VAV2: variants seen among roughly 807,000 people sequenced by gnomAD.
VAV2 encodes the protein guanine nucleotide exchange factor VAV2.
A neutral mutation model predicts 132.5 loss-of-function variants in VAV2; 67 were observed. That is an observed-to-expected ratio of 0.51 (90% CI 0.42 to 0.62). The LOEUF is 0.62. VAV2 is among the 20% of genes least tolerant of loss of function. The probability of loss-of-function intolerance (pLI) is 0.00; values close to 1 mark genes in which losing one functional copy is unlikely to be tolerated. For synonymous variants in VAV2, 492 were observed against 443.5 expected (o/e 1.11, Z -1.37); for missense variants, 938 against 1,153.6 (o/e 0.81, Z 2.71).
At chr9:133,908,067 T>C (rs369573810) in intron 2 of VAV2, among the ~76,000 whole-genome samples, 125 of 114,536 alleles carry the variant, frequency 1.1e-3, no homozygotes, top group Middle Eastern at 6.0e-3. Flanking sequence ...CCCCCTACCT[T>C]CTCTGCCTTC....
chr9:133,832,971 C>A (rs906641079), intron 4 of VAV2, among the ~76,000 whole-genome samples: 6 of 152,108 alleles, frequency 3.9e-5, no homozygotes, highest in African/African-American at 4.8e-5. Flanking sequence ...CCATCTCTCC[C>A]CTTTAAGATG....
At chr9:133,806,252 G>C in intron 8 of VAV2, 71 bp from the exon 9 acceptor site, 1 of 1,466,378 alleles carries the variant, frequency 6.8e-7, no homozygotes, top group Non-Finnish European at 9.3e-7. Flanking sequence ...CGCCCTTAAA[G>C]TGCCCTTGTT....
In VAV2 at chr9:133,991,210, T is replaced by C. The variant is rs373566187; in HGVS notation, c.204+865A>G. ...CTGCCTCCCCCGACCTCTTCTAAGC[T>C]GCTCCCGGTAAGGATTCCGCGACCC... On this transcript the variant is annotated intron_variant, in intron 1 of 29. Transcript: ENST00000371850. This position sits in a 1 kb window ranked among gnomAD's most constrained non-coding sequence, Gnocchi z 4.8. Among the ~76,000 whole-genome samples the C allele has an allele frequency of 2.6e-4, 39 of 152,198 alleles. No individual in the cohort carries two copies. In the South Asian group the frequency reaches 6.2e-3, roughly 24 times the overall value.
chr9:133,982,082 G>A (rs1842711961), intron 1 of VAV2, among the ~76,000 whole-genome samples: 1 of 152,222 alleles, frequency 6.6e-6, no homozygotes, highest in African/African-American at 2.4e-5. Context: ...GGGGACTCGA[G>A]CAGGCCTGGG....
chr9:133,796,589 C>G, intron 10 of VAV2, 65 bp from the exon 11 acceptor site: 3 of 1,441,588 alleles, frequency 2.1e-6, no homozygotes, highest in Non-Finnish European at 2.8e-6. Context: ...CCCACCTGTA[C>G]CCCCGCCCAC....
intron 2 of VAV2, among the ~76,000 whole-genome samples, chr9:133,904,300 C>CT (rs1222390609): frequency 6.6e-6 from 1 of 152,156 alleles, no homozygotes; most frequent in East Asian, 1.9e-4. Flanking sequence ...TCTAGACGCT[C>CT]TAAGACATTA....
chr9:133,895,420 C>G (rs1231460683), intron 2 of VAV2, among the ~76,000 whole-genome samples: 1 of 152,218 alleles, frequency 6.6e-6, no homozygotes, highest in East Asian at 1.9e-4. Context: ...ATGAGCAACT[C>G]AAATGTCCGT....
At chr9:133,988,694 C>T (rs961200570) in intron 1 of VAV2, among the ~76,000 whole-genome samples, 54 of 152,270 alleles carry the variant, frequency 3.5e-4, no homozygotes, top group Middle Eastern at 3.4e-3. Context: ...GAGGCTGAGG[C>T]GAGCAGATCA....
chr9:133,842,742 G>A (rs1409967574), intron 3 of VAV2, among the ~76,000 whole-genome samples: 5 of 152,358 alleles, frequency 3.3e-5, no homozygotes, highest in Non-Finnish European at 7.3e-5. Context: ...TCTCACCCAG[G>A]CGGAGGCCAT....
intron 4 of VAV2, among the ~76,000 whole-genome samples, chr9:133,825,466 G>A (rs117581824): frequency 0.016 from 2,464 of 152,256 alleles, 25 homozygotes; most frequent in Non-Finnish European, 0.025. Flanking sequence ...GGCCGTTTTC[G>A]TGGAGTCTGC....
rs1843015144 is a variant in VAV2 at position 133,991,473 on chromosome 9, C to T, written c.204+602G>A. On this transcript the variant is annotated intron_variant, in intron 1 of 29. Coordinates refer to ENST00000371850, the MANE Select transcript of VAV2 (RefSeq NM_001134398.2). This position sits in a 1 kb window ranked among gnomAD's most constrained non-coding sequence, Gnocchi z 4.8. ...GTGGCCCTGGGGATCCTCGAGGCGGCTCGACCCGGGAGCCAGGACTGGCGC... is the reference window on the plus strand; with the variant it reads ...GTGGCCCTGGGGATCCTCGAGGCGGTTCGACCCGGGAGCCAGGACTGGCGC... 6.6e-6 allele frequency among the ~76,000 whole-genome samples: 1 copy of T among 150,474 alleles called. No individual in the cohort carries two copies. Among genetic ancestry groups the T allele is most frequent in the Non-Finnish European group, 1.5e-5 (1 of 67,322 alleles).
intron 1 of VAV2, among the ~76,000 whole-genome samples, chr9:133,960,590 C>T (rs568706350): frequency 4.6e-5 from 7 of 152,336 alleles, no homozygotes; most frequent in Admixed American, 3.9e-4. Flanking sequence ...GACTTATCTG[C>T]GGAGAAAACG....
At chr9:133,805,206 C>T (rs925000108) in intron 9 of VAV2, among the ~76,000 whole-genome samples, 6 of 152,086 alleles carry the variant, frequency 3.9e-5, no homozygotes, top group Admixed American at 2.0e-4. Flanking sequence ...CTCAGGGCCG[C>T]GTGGTAAGAT....
At chr9:133,958,537 C>T (rs1192984515) in intron 1 of VAV2, among the ~76,000 whole-genome samples, 3 of 146,400 alleles carry the variant, frequency 2.0e-5, no homozygotes, top group Non-Finnish European at 4.6e-5. Flanking sequence ...GACACATCCC[C>T]CTCTCGGAGA....
chr9:133,799,025 G>C (rs1834830153), intron 9 of VAV2, among the ~76,000 whole-genome samples: 1 of 152,236 alleles, frequency 6.6e-6, no homozygotes, highest in African/African-American at 2.4e-5. Context: ...TTGCCGTAGG[G>C]CACCCGGCCT....
At chr9:133,966,076 C>T (rs1284633186) in intron 1 of VAV2, among the ~76,000 whole-genome samples, 5 of 152,142 alleles carry the variant, frequency 3.3e-5, no homozygotes, top group Non-Finnish European at 5.9e-5. Context: ...ACTGCATATC[C>T]ATATGCAGAA....
At chr9:133,916,152 G>A (rs1290006405) in intron 2 of VAV2, among the ~76,000 whole-genome samples, 1 of 152,250 alleles carries the variant, frequency 6.6e-6, no homozygotes, top group Non-Finnish European at 1.5e-5. Context: ...CTCCCCCAGG[G>A]AGAATGGAGG....
intron 4 of VAV2, among the ~76,000 whole-genome samples, chr9:133,813,404 A>T (rs1041308202): frequency 8.5e-5 from 13 of 152,328 alleles, no homozygotes; most frequent in African/African-American, 2.9e-4. Context: ...CCACGGCCTC[A>T]TCCCAAACCT....
chr9:133,943,410 C>T lies in VAV2; in HGVS notation c.205-4191G>A, dbSNP rs544322565. Among the ~76,000 whole-genome samples, 13 of 152,350 alleles carry T rather than the reference C, an allele frequency of 8.5e-5. No homozygotes were observed. The South Asian group carries it at 1.7e-3, about 19-fold the overall frequency. On this transcript the variant is annotated intron_variant, in intron 1 of 29. Coordinates refer to ENST00000371850, the MANE Select transcript of VAV2 (RefSeq NM_001134398.2). Reference sequence around the variant, plus strand: ...CGCCAGGTGAAAAGTCCCCTGTCCACGCCCAAGCTATGAAGGCTGGCTTCA... The same window carrying T: ...CGCCAGGTGAAAAGTCCCCTGTCCATGCCCAAGCTATGAAGGCTGGCTTCA...
Sources: allele counts gnomAD v4.1 joint callset (sites outside exome capture counted in the v4.1 genomes callset), GRCh38; gene constraint gnomAD v4.1.1; non-coding constraint Gnocchi (gnomAD v3.1); transcripts MANE v1.5; gene names NCBI Gene and HGNC (gene_info 2026-07-23, HGNC 2026-07-21).